Variants in AHCYL2 observed in about 807,000 individuals in gnomAD.
AHCYL2 encodes adenosylhomocysteinase like 2, also known as S-adenosylhomocysteine hydrolase-like protein 2.
AHCYL2 carries 28 observed loss-of-function variants against 81.4 expected under a neutral mutation model. The ratio of observed to expected loss-of-function variants is 0.34; its 90% confidence interval spans 0.25 to 0.47. AHCYL2 has a LOEUF of 0.47. Ranked by LOEUF, AHCYL2 falls within the 20% of genes least tolerant of loss-of-function variation. The pLI, the probability that AHCYL2 is intolerant of heterozygous loss-of-function variation, is 1.00. For synonymous variants in AHCYL2, 272 were observed against 290.2 expected (o/e 0.94, Z 0.64); for missense variants, 551 against 785.1 (o/e 0.70, Z 3.56).
At chr7:129,336,521 G>A (rs1011370242) in intron 1 of AHCYL2, among the ~76,000 whole-genome samples, 3 of 152,140 alleles carry the variant, frequency 2.0e-5, no homozygotes, top group African/African-American at 4.8e-5. Context: ...CCTTTCTCTT[G>A]TATGGAGATT....
intron 1 of AHCYL2, among the ~76,000 whole-genome samples, chr7:129,302,348 C>CT (rs36047105): frequency 0.35 from 53,389 of 151,836 alleles, 10,028 homozygotes; most frequent in African/African-American, 0.5. Context: ...TTTGAGTGCC[C>CT]TTATATCTTT....
chr7:129,286,106 G>C (rs1232584670), intron 1 of AHCYL2, among the ~76,000 whole-genome samples: 2 of 152,112 alleles, frequency 1.3e-5, no homozygotes, highest in Non-Finnish European at 2.9e-5. Context: ...TTAGGTCACA[G>C]TGTCTTTCTT....
At chr7:129,292,224 A>G (rs546590711) in intron 1 of AHCYL2, among the ~76,000 whole-genome samples, 51 of 152,334 alleles carry the variant, frequency 3.3e-4, no homozygotes, top group African/African-American at 1.1e-3. Flanking sequence ...GGTTCATAAC[A>G]TTCTCATACA....
intron 1 of AHCYL2, among the ~76,000 whole-genome samples, chr7:129,226,234 G>C (rs927606453): frequency 2.6e-5 from 4 of 152,218 alleles, no homozygotes; most frequent in Non-Finnish European, 5.9e-5. Context: ...TTAGGCGTCA[G>C]CTTCTTTCAG....
At chr7:129,310,292 G>A (rs80173130) in intron 1 of AHCYL2, among the ~76,000 whole-genome samples, 1 of 152,038 alleles carries the variant, frequency 6.6e-6, no homozygotes. Flanking sequence ...TTTGGTAATA[G>A]AGCATTTATG....
chr7:129,401,420 G>A (rs114805286), intron 6 of AHCYL2, among the ~76,000 whole-genome samples: 2,341 of 152,042 alleles, frequency 0.015, 61 homozygotes, highest in African/African-American at 0.053. Context: ...GGGGGAGGGG[G>A]CAGAAATTAG....
intron 1 of AHCYL2, among the ~76,000 whole-genome samples, chr7:129,321,149 T>C (rs1797999656): frequency 6.6e-6 from 1 of 152,222 alleles, no homozygotes; most frequent in Non-Finnish European, 1.5e-5. Flanking sequence ...CTTTTTTCTT[T>C]CCAATTTGAT....
chr7:129,319,889 T>A (rs1343421016), intron 1 of AHCYL2, among the ~76,000 whole-genome samples: 1 of 152,214 alleles, frequency 6.6e-6, no homozygotes, highest in African/African-American at 2.4e-5. Flanking sequence ...CAAGTCTTTG[T>A]ATATACATAT....
intron 1 of AHCYL2, among the ~76,000 whole-genome samples, chr7:129,278,012 A>G (rs1240931958): frequency 2.6e-5 from 4 of 152,200 alleles, no homozygotes; most frequent in Non-Finnish European, 4.4e-5. Context: ...CTGTTTTCCA[A>G]AGAGGTTTTG....
intron 4 of AHCYL2, among the ~76,000 whole-genome samples, chr7:129,395,449 G>T (rs769613222): frequency 6.6e-6 from 1 of 152,188 alleles, no homozygotes; most frequent in Non-Finnish European, 1.5e-5. Flanking sequence ...TCTGTGGTGG[G>T]TCTTGGGCAA....
intron 1 of AHCYL2, among the ~76,000 whole-genome samples, chr7:129,364,760 G>A (rs1416757803): frequency 6.6e-6 from 1 of 152,108 alleles, no homozygotes; most frequent in Non-Finnish European, 1.5e-5. Context: ...TTATAATGCA[G>A]ATCAAAATGG....
At chr7:129,405,008 C>A in intron 7 of AHCYL2, 89 bp from the exon 8 acceptor site, 1 of 735,990 alleles carries the variant, frequency 1.4e-6, no homozygotes, top group Non-Finnish European at 2.2e-6. Flanking sequence ...CATGCCTACC[C>A]AATCAACGTA....
intron 1 of AHCYL2, among the ~76,000 whole-genome samples, chr7:129,284,828 G>C (rs1190194671): frequency 6.6e-6 from 1 of 152,034 alleles, no homozygotes; most frequent in Non-Finnish European, 1.5e-5. Flanking sequence ...CTAGAAAAAT[G>C]TCTTAAGAAA....
At chr7:129,262,882 G>A (rs1206565730) in intron 1 of AHCYL2, among the ~76,000 whole-genome samples, 2 of 152,132 alleles carry the variant, frequency 1.3e-5, no homozygotes, top group Non-Finnish European at 2.9e-5. Flanking sequence ...AAAATGGAGG[G>A]TAAAGGCTAC....
chr7:129,322,461 T>G (rs1798073025), intron 1 of AHCYL2, among the ~76,000 whole-genome samples: 1 of 152,236 alleles, frequency 6.6e-6, no homozygotes, highest in Admixed American at 6.5e-5. Flanking sequence ...ACCACAAATT[T>G]AATATCTTTA....
At chr7:129,240,508 C>T (rs532194296) in intron 1 of AHCYL2, among the ~76,000 whole-genome samples, 54 of 152,218 alleles carry the variant, frequency 3.5e-4, no homozygotes, top group South Asian at 1.7e-3. Context: ...CAAAAACAGA[C>T]GGGCTGCCAT....
chr7:129,373,189 G>A (rs1306295917), intron 1 of AHCYL2, among the ~76,000 whole-genome samples: 1 of 152,060 alleles, frequency 6.6e-6, no homozygotes, highest in Non-Finnish European at 1.5e-5. Context: ...ATCCAGCAAT[G>A]TGCTTTAATA....
chr7:129,379,436 A>G (rs1172144571), intron 1 of AHCYL2, among the ~76,000 whole-genome samples: 1 of 152,058 alleles, frequency 6.6e-6, no homozygotes, highest in South Asian at 2.1e-4. Context: ...CCTGGGCAAT[A>G]TGGAAAGACC....
At position 129,426,510 on chromosome 7, in the gene AHCYL2, G is replaced by T. The variant is rs1797372832; in HGVS notation, c.1776G>T (p.Gln592His). The change falls in exon 16 of 17, where the codon CAG becomes CAT. Residue 592 changes from glutamine to histidine, a missense_variant. Transcript: ENST00000325006. This position sits in a 1 kb window ranked among gnomAD's most constrained non-coding sequence, Gnocchi z 4.3. ...ACTTGACAGAGCTGACAGATGAACA[G>T]GCCAAGTATCTGGGACTCAACAAGA... Reference protein sequence around the residue: ...DAHLTELTDEQAKYLGLNKNG... With the variant: ...DAHLTELTDEHAKYLGLNKNG... 1 of 1,614,066 alleles carries T rather than the reference G, an allele frequency of 6.2e-7. No homozygotes were observed. Among genetic ancestry groups the T allele is most frequent in the East Asian group, 2.2e-5 (1 of 44,874 alleles).
Sources: gnomAD v4.1 joint callset for allele counts (sites outside exome capture counted in the v4.1 genomes callset) on GRCh38, gnomAD v4.1.1 for gene constraint, Gnocchi (gnomAD v3.1) non-coding constraint, MANE v1.5 for transcripts, NCBI Gene and HGNC (gene_info 2026-07-23, HGNC 2026-07-21) for gene names.